ABHD2: variants seen among roughly 807,000 people sequenced by gnomAD.
ABHD2 encodes the protein monoacylglycerol lipase ABHD2.
ABHD2 carries 20 observed loss-of-function variants against 48.1 expected under a neutral mutation model. That is an observed-to-expected ratio of 0.42 (90% CI 0.29 to 0.60). ABHD2 has a LOEUF of 0.60. Ranked by LOEUF, ABHD2 falls within the 20% of genes least tolerant of loss-of-function variation. The pLI, the probability that ABHD2 is intolerant of heterozygous loss-of-function variation, is 0.24. For synonymous variants in ABHD2, 209 were observed against 214.2 expected (o/e 0.98, Z 0.21); for missense variants, 405 against 550.9 (o/e 0.74, Z 2.65).
At position 89,151,897 on chromosome 15, in the gene ABHD2, GAGC is replaced by G; in HGVS notation, c.370+47_370+49del. 9 of 1,599,654 alleles carry G rather than the reference GAGC, an allele frequency of 5.6e-6. No homozygotes were observed. The highest frequency in any genetic ancestry group is 7.7e-6 in the Non-Finnish European group (9 of 1,172,062). On this transcript the variant is annotated intron_variant, in intron 4 of 10. Transcript: ENST00000352732. The surrounding 1 kb of genome is among the most constrained non-coding windows in gnomAD (Gnocchi z 4.7). Reference sequence around the variant, plus strand: ...GTGATTGAGCCATCACTCAGAGAAGGAGCACTAGTCAGTGGAGAGCACAGCAGT... The same window carrying G: ...GTGATTGAGCCATCACTCAGAGAAGGACTAGTCAGTGGAGAGCACAGCAGT...
At chr15:89,060,045 G>A in the ABHD2 span, among the ~76,000 whole-genome samples, 1 of 143,632 alleles carries the variant, frequency 7.0e-6, no homozygotes, top group Non-Finnish European at 1.5e-5. Flanking sequence ...TGAAAAGCTT[G>A]TCCCTTCAAC....
chr15:89,135,147 T>TC lies in ABHD2; in HGVS notation c.195-16530_195-16529insC, dbSNP rs1555429069. ...ACAAAATGGCTACAACTTTTTCTTTTTTTTTTTTTTTTTTGCAATTACAGA... is the reference window on the plus strand; with the variant it reads ...ACAAAATGGCTACAACTTTTTCTTTTCTTTTTTTTTTTTTTGCAATTACAGA... On this transcript the variant is annotated intron_variant, in intron 3 of 10. Coordinates refer to ENST00000352732, the MANE Select transcript of ABHD2 (RefSeq NM_152924.5). Among the ~76,000 whole-genome samples the TC allele has an allele frequency of 2.5e-4, 35 of 138,034 alleles. 1 individual carries two copies. The highest frequency in any genetic ancestry group is 4.3e-4 in the African/African-American group (16 of 36,886). 90.6% of individuals were successfully genotyped at this position (138,034 alleles called of 152,430 possible). A position where few individuals can be genotyped will look rare whatever the true frequency, so the allele number is the denominator to read the frequency against.
the ABHD2 span, among the ~76,000 whole-genome samples, chr15:89,078,737 CT>C: frequency 1.0e-4 from 12 of 116,130 alleles, no homozygotes; most frequent in East Asian, 7.3e-4. Flanking sequence ...TTTTTTTTTT[CT>C]TTTTTTTTTT....
the ABHD2 span, among the ~76,000 whole-genome samples, chr15:89,066,652 G>C: frequency 3.3e-5 from 5 of 152,272 alleles, no homozygotes; most frequent in Non-Finnish European, 7.4e-5. Flanking sequence ...GAACATGGCT[G>C]CCTGCTCACA....
At chr15:89,061,353 T>A in the ABHD2 span, among the ~76,000 whole-genome samples, 1 of 151,578 alleles carries the variant, frequency 6.6e-6, no homozygotes, top group Admixed American at 6.6e-5. Flanking sequence ...GGGAGGTAGA[T>A]GTTGCAGTGA....
chr15:89,129,322 C>G (rs1226138761), intron 3 of ABHD2, among the ~76,000 whole-genome samples: 1 of 152,040 alleles, frequency 6.6e-6, no homozygotes, highest in Non-Finnish European at 1.5e-5. Flanking sequence ...GCCTCCAGTT[C>G]CATGGCAGCC....
Position 89,104,801 on chromosome 15 carries a change from G to A in ABHD2, c.-106-8924G>A, listed in dbSNP as rs1018697892. Among the ~76,000 whole-genome samples the A allele has an allele frequency of 6.6e-6, 1 of 152,128 alleles. No individual in the cohort carries two copies. Among genetic ancestry groups the A allele is most frequent in the Admixed American group, 6.5e-5 (1 of 15,284 alleles). On this transcript the variant is annotated intron_variant, in intron 1 of 10. Transcript: ENST00000352732. The surrounding 1 kb of genome is among the most constrained non-coding windows in gnomAD (Gnocchi z 4.4). ...CTTATTTCCAGACATAGAAGAGTGG[G>A]TGGCATCTCTATGGTGCCCAGGACA...
In ABHD2 at chr15:89,104,555, G is replaced by C. The variant is rs571135765; in HGVS notation, c.-106-9170G>C. 6.6e-6 allele frequency among the ~76,000 whole-genome samples: 1 copy of C among 152,198 alleles called. No individual in the cohort carries two copies. Among genetic ancestry groups the C allele is most frequent in the East Asian group, 1.9e-4 (1 of 5,196 alleles). ...GGAGCCTTGTCTGCTCCCAGTCGGC[G>C]TTGGGAAACCAGAACGCTCAGGAAC... On this transcript the variant is annotated intron_variant, in intron 1 of 10. Coordinates refer to ENST00000352732, the MANE Select transcript of ABHD2 (RefSeq NM_152924.5). This position sits in a 1 kb window ranked among gnomAD's most constrained non-coding sequence, Gnocchi z 4.4.
rs1217886842 is a variant in ABHD2 at position 89,188,445 on chromosome 15, T to C, written c.926+142T>C. The C allele has an allele frequency of 1.6e-5, 10 of 629,238 alleles. No homozygotes were observed. The East Asian group carries it at 2.5e-4, about 16-fold the overall frequency. The allele number at this position is 629,238 out of a possible 1,614,324, so 39.0% of individuals were successfully genotyped here. ...TTTTTCCCTTTAAGTAAGTGTCTAG[T>C]GCTTAAAAACAGAAGATTTCACAGG... On this transcript the variant is annotated intron_variant, in intron 8 of 10. Transcript: ENST00000352732. The surrounding 1 kb of genome is among the most constrained non-coding windows in gnomAD (Gnocchi z 4.1).
chr15:89,141,824 AC>A (rs1258128088), intron 3 of ABHD2, among the ~76,000 whole-genome samples: 1 of 152,242 alleles, frequency 6.6e-6, no homozygotes, highest in Non-Finnish European at 1.5e-5. Context: ...AGGAATATCT[AC>A]CAGGGTTCTC....
chr15:89,041,821 A>C, the ABHD2 span, among the ~76,000 whole-genome samples: 1 of 152,132 alleles, frequency 6.6e-6, no homozygotes, highest in Non-Finnish European at 1.5e-5. Context: ...GGGCTGAGAC[A>C]GCATTGCTAG....
intron 3 of ABHD2, among the ~76,000 whole-genome samples, chr15:89,138,086 A>G (rs2050343436): frequency 6.6e-6 from 1 of 152,258 alleles, no homozygotes; most frequent in Admixed American, 6.5e-5. Flanking sequence ...TGTCTGTGGT[A>G]GGAGCAGCAA....
At chr15:89,073,716 C>T in the ABHD2 span, among the ~76,000 whole-genome samples, 1 of 152,172 alleles carries the variant, frequency 6.6e-6, no homozygotes, top group African/African-American at 2.4e-5. Context: ...TCTGATTCAG[C>T]AGGTCTTGGG....
At chr15:89,043,057 G>A in the ABHD2 span, among the ~76,000 whole-genome samples, 1 of 152,170 alleles carries the variant, frequency 6.6e-6, no homozygotes. Context: ...TGATGCCTAT[G>A]CTGACCACTG....
At position 89,106,005 on chromosome 15, in the gene ABHD2, A is replaced by T. The variant is rs1221699273; in HGVS notation, c.-106-7720A>T. On this transcript the variant is annotated intron_variant, in intron 1 of 10. Coordinates refer to ENST00000352732, the MANE Select transcript of ABHD2 (RefSeq NM_152924.5). This position sits in a 1 kb window ranked among gnomAD's most constrained non-coding sequence, Gnocchi z 4.2. Reference sequence around the variant, plus strand: ...ATGTAAGCCACTGTGCCCAGCCGAGAGGTGGTCTTTTAAAACCCAGAGTAT... The same window carrying T: ...ATGTAAGCCACTGTGCCCAGCCGAGTGGTGGTCTTTTAAAACCCAGAGTAT... Among the ~76,000 whole-genome samples the T allele has an allele frequency of 2.0e-5, 3 of 152,102 alleles. No homozygotes were observed. The highest frequency in any genetic ancestry group is 4.4e-5 in the Non-Finnish European group (3 of 68,028).
chr15:89,183,195 C>CTGTTTGTTTGTTTGTT (rs376607261), intron 6 of ABHD2: 3 of 151,550 alleles, frequency 2.0e-5, no homozygotes, highest in African/African-American at 7.3e-5. Flanking sequence ...CATGGAAGTG[C>CTGTTTGTTTGTTTGTT]TGTTTGTTTG....
rs2050876227 is a variant in ABHD2 at position 89,168,860 on chromosome 15, T to G, written c.539-6952T>G. Among the ~76,000 whole-genome samples, 1 of 152,138 alleles carries G rather than the reference T, an allele frequency of 6.6e-6. No individual in the cohort carries two copies. The highest frequency in any genetic ancestry group is 2.4e-5 in the African/African-American group (1 of 41,426). On this transcript the variant is annotated intron_variant, in intron 5 of 10. Coordinates refer to ENST00000352732, the MANE Select transcript of ABHD2 (RefSeq NM_152924.5). The surrounding 1 kb of genome is among the most constrained non-coding windows in gnomAD (Gnocchi z 4.8). ...AGGAAGCCAAGGTGGGCAGACCTCTTGAGCTCAGAAGTTCGAGACCAGCCT... is the reference window on the plus strand; with the variant it reads ...AGGAAGCCAAGGTGGGCAGACCTCTGGAGCTCAGAAGTTCGAGACCAGCCT...
chr15:89,133,749 C>A (rs1443616384), intron 3 of ABHD2, among the ~76,000 whole-genome samples: 2 of 151,970 alleles, frequency 1.3e-5, no homozygotes, highest in Non-Finnish European at 2.9e-5. Flanking sequence ...GGGAAATTAG[C>A]CCTTTGTGAT....
At chr15:89,162,997 C>T (rs561505491) in intron 5 of ABHD2, among the ~76,000 whole-genome samples, 7 of 152,308 alleles carry the variant, frequency 4.6e-5, no homozygotes, top group Admixed American at 3.9e-4. Flanking sequence ...CAAACTAGTA[C>T]ATCCCAAACC....
Sources: allele counts gnomAD v4.1 joint callset (sites outside exome capture counted in the v4.1 genomes callset), GRCh38; gene constraint gnomAD v4.1.1; non-coding constraint Gnocchi (gnomAD v3.1); transcripts MANE v1.5; gene names NCBI Gene and HGNC (gene_info 2026-07-23, HGNC 2026-07-21).